The following ERBB4 variants were observed in gnomAD, a reference collection of about 807,000 sequenced individuals.
ERBB4 encodes the protein receptor tyrosine-protein kinase erbB-4.
Under a neutral mutation model 158.0 loss-of-function variants are expected in ERBB4, and 42 were observed. That is an observed-to-expected ratio of 0.27 (90% CI 0.21 to 0.34). ERBB4 has a LOEUF of 0.34. Among genes scored for constraint, ERBB4 ranks in the 10% least tolerant of loss-of-function variants. The pLI, the probability that ERBB4 is intolerant of heterozygous loss-of-function variation, is 1.00. For synonymous variants in ERBB4, 583 were observed against 558.7 expected (o/e 1.04, Z -0.61); for missense variants, 1,333 against 1,624.1 (o/e 0.82, Z 3.08).
At chr2:212,358,112 C>G (rs1233809450) in intron 1 of ERBB4, among the ~76,000 whole-genome samples, 2 of 151,704 alleles carry the variant, frequency 1.3e-5, no homozygotes, top group Non-Finnish European at 2.9e-5. Flanking sequence ...TATTTATAAC[C>G]TCATTTCTAA....
At chr2:211,947,327 T>C in intron 3 of ERBB4, 103 bp downstream of exon 3, 1 of 932,494 alleles carries the variant, frequency 1.1e-6, no homozygotes, top group East Asian at 2.5e-5. Context: ...TTTAAATGCC[T>C]TAGAGTGTTC....
rs1282905661 is a variant in ERBB4 at position 211,379,028 on chromosome 2, T to A, written c.*4587A>T. On this transcript the variant is annotated 3_prime_UTR_variant, in exon 28 of 28. Coordinates refer to ENST00000342788, the MANE Select transcript of ERBB4 (RefSeq NM_005235.3). ...GCACATGGATTTCTCATTTGCCCTA[T>A]AACAATCATCATTCTAATAACTAAA... 8.6e-6 allele frequency: 2 copies of A among 231,714 alleles called. No individual in the cohort carries two copies. Among genetic ancestry groups the A allele is most frequent in the African/African-American group, 4.4e-5 (2 of 45,254 alleles). The allele number at this position is 231,714 out of a possible 1,614,324, so 14.4% of individuals were successfully genotyped here. A position where few individuals can be genotyped will look rare whatever the true frequency, so the allele number is the denominator to read the frequency against.
chr2:212,473,496 A>AAAG (rs1271090622), intron 1 of ERBB4, among the ~76,000 whole-genome samples: 1 of 152,098 alleles, frequency 6.6e-6, no homozygotes, highest in Non-Finnish European at 1.5e-5. Context: ...AAACAGAAAA[A>AAAG]CATGAAATAG....
At chr2:211,847,570 T>A (rs2077620209) in intron 3 of ERBB4, among the ~76,000 whole-genome samples, 1 of 152,170 alleles carries the variant, frequency 6.6e-6, no homozygotes, top group Admixed American at 6.6e-5. Context: ...AGGCCACATG[T>A]GGCCCAGAAC....
At chr2:211,792,867 A>T (rs1309000042) in intron 3 of ERBB4, among the ~76,000 whole-genome samples, 1 of 151,916 alleles carries the variant, frequency 6.6e-6, no homozygotes, top group Non-Finnish European at 1.5e-5. Context: ...CTTCTTTTGT[A>T]TTCTTCATTT....
At chr2:212,490,363 TTCCC>T (rs1690207264) in intron 1 of ERBB4, among the ~76,000 whole-genome samples, 1 of 151,874 alleles carries the variant, frequency 6.6e-6, no homozygotes, top group South Asian at 2.1e-4. Context: ...CTGTTTCTCT[TTCCC>T]TCTGCTTTTC....
intron 2 of ERBB4, among the ~76,000 whole-genome samples, chr2:212,033,765 A>G (rs1241096049): frequency 2.6e-5 from 4 of 151,902 alleles, no homozygotes; most frequent in Non-Finnish European, 5.9e-5. Flanking sequence ...TTAATTTAAT[A>G]TAATCTCTGC....
intron 1 of ERBB4, among the ~76,000 whole-genome samples, chr2:212,313,919 T>G (rs1398748692): frequency 1.3e-5 from 2 of 151,088 alleles, no homozygotes; most frequent in Non-Finnish European, 3.0e-5. Flanking sequence ...TTTTTCAGCA[T>G]GAATAAATTT....
Position 212,228,553 on chromosome 2 carries a change from T to C in ERBB4, c.83-103650A>G, listed in dbSNP as rs538114381. Among the ~76,000 whole-genome samples, 660 of 152,308 alleles carry C rather than the reference T, an allele frequency of 4.3e-3. 2 individuals carry two copies. The highest frequency in any genetic ancestry group is 0.03 in the South Asian group (143 of 4,826). On this transcript the variant is annotated intron_variant, in intron 1 of 27. Transcript: ENST00000342788. Reference sequence around the variant, plus strand: ...CATTTTTATGGGACTATTGTATTCATAGCACTGCCCAGAATTATAATATTG... The same window carrying C: ...CATTTTTATGGGACTATTGTATTCACAGCACTGCCCAGAATTATAATATTG...
intron 3 of ERBB4, among the ~76,000 whole-genome samples, chr2:211,939,909 T>C (rs2080439579): frequency 6.8e-6 from 1 of 147,978 alleles, no homozygotes; most frequent in Admixed American, 6.8e-5. Context: ...ATTGTGCCAC[T>C]ACACTCCAGC....
intron 2 of ERBB4, among the ~76,000 whole-genome samples, chr2:212,019,061 C>T (rs985137375): frequency 1.3e-4 from 19 of 151,916 alleles, no homozygotes; most frequent in African/African-American, 4.1e-4. Context: ...GTACAAGAAG[C>T]CTGGTTGATG....
chr2:211,619,317 T>C (rs750807901), intron 18 of ERBB4, 42 bp from the exon 19 acceptor site: 7 of 1,087,234 alleles, frequency 6.4e-6, no homozygotes, highest in East Asian at 2.4e-5. Flanking sequence ...CATCTCAACC[T>C]ATTAAGTTCT....
At position 212,452,694 on chromosome 2, in the gene ERBB4, A is replaced by G. The variant is rs773790703; in HGVS notation, c.82+85755T>C. Among the ~76,000 whole-genome samples the G allele has an allele frequency of 3.3e-5, 5 of 152,264 alleles. No individual in the cohort carries two copies. The East Asian group carries it at 7.7e-4, about 23-fold the overall frequency. On this transcript the variant is annotated intron_variant, in intron 1 of 27. Transcript: ENST00000342788. ...GCTTAGAATCAGCATTTAAAACTGC[A>G]TCTTACAATTTGCTTACTCTGTATA...
intron 1 of ERBB4, among the ~76,000 whole-genome samples, chr2:212,207,817 G>T (rs1294183378): frequency 6.6e-6 from 1 of 152,078 alleles, no homozygotes; most frequent in African/African-American, 2.4e-5. Context: ...TTTACTTAAA[G>T]AGTTTATAGA....
intron 3 of ERBB4, among the ~76,000 whole-genome samples, chr2:211,889,630 C>T (rs1439867241): frequency 6.8e-6 from 1 of 147,586 alleles, no homozygotes; most frequent in African/African-American, 2.6e-5. Flanking sequence ...GACATTCAAA[C>T]CAAAGGCAAA....
chr2:211,726,079 G>T (rs1469126863), intron 5 of ERBB4, among the ~76,000 whole-genome samples: 1 of 152,080 alleles, frequency 6.6e-6, no homozygotes, highest in Non-Finnish European at 1.5e-5. Context: ...GGTATTTAAG[G>T]TATGAATTTT....
chr2:212,108,706 CTTTTTTTTTT>C (rs775193964), intron 2 of ERBB4, among the ~76,000 whole-genome samples: 2 of 97,066 alleles, frequency 2.1e-5, no homozygotes, highest in African/African-American at 3.9e-5. Flanking sequence ...AATGGGTCTG[CTTTTTTTTTT>C]TTTTTTTTTT....
At position 211,724,668 on chromosome 2, in the gene ERBB4, C is replaced by G. The variant is rs116509766; in HGVS notation, c.741+408G>C. ...CCTTTAAAATATAAACTAGAAAATA[C>G]TGAAACTCATAAGTATATCTTCTAT... On this transcript the variant is annotated intron_variant, in intron 6 of 27. Transcript: ENST00000342788. Among the ~76,000 whole-genome samples, 589 of 152,002 alleles carry G rather than the reference C, an allele frequency of 3.9e-3. 3 individuals carry two copies. The highest frequency in any genetic ancestry group is 0.014 in the African/African-American group (571 of 41,480).
At chr2:211,489,246 A>G (rs998180142) in intron 20 of ERBB4, among the ~76,000 whole-genome samples, 25 of 152,042 alleles carry the variant, frequency 1.6e-4, no homozygotes, top group Non-Finnish European at 2.4e-4. Context: ...GGATAATAAA[A>G]ATGTTTTCTA....
Sources: gnomAD v4.1 joint callset for allele counts (sites outside exome capture counted in the v4.1 genomes callset) on GRCh38, gnomAD v4.1.1 for gene constraint, MANE v1.5 for transcripts, NCBI Gene and HGNC (gene_info 2026-07-23, HGNC 2026-07-21) for gene names.